Variants in SOD2 observed in about 807,000 individuals in gnomAD.
The protein encoded by SOD2 is superoxide dismutase [Mn], mitochondrial.
A neutral mutation model predicts 27.0 loss-of-function variants in SOD2; 11 were observed. The observed-to-expected ratio is 0.41, with a 90% CI of 0.26 to 0.67. The LOEUF is 0.67. Among genes scored for constraint, SOD2 ranks in the 30% least tolerant of loss-of-function variants. The pLI, the probability that SOD2 is intolerant of heterozygous loss-of-function variation, is 0.34. For missense variants in SOD2, 250 were observed against 274.5 expected, an observed-to-expected ratio of 0.91 and a Z score of 0.63; for synonymous variants, 105 against 103.0, an observed-to-expected ratio of 1.02 and a Z score of -0.12.
intron 1 of SOD2, among the ~76,000 whole-genome samples, chr6:159,707,100 C>A (rs1287777173): frequency 2.6e-5 from 4 of 152,100 alleles, no homozygotes; most frequent in African/African-American, 9.7e-5. Flanking sequence ...ACCAGAATCT[C>A]TGGGACACAT....
chr6:159,739,739 AAC>A (rs1437887624), intron 1 of SOD2, among the ~76,000 whole-genome samples: 5 of 151,918 alleles, frequency 3.3e-5, no homozygotes, highest in South Asian at 2.1e-4. Context: ...GAGATAGGCT[AAC>A]ACAGATTTTG....
upstream of SOD2, among the ~76,000 whole-genome samples, chr6:159,731,567 G>A (rs1216792747): frequency 3.3e-5 from 5 of 152,134 alleles, no homozygotes; most frequent in African/African-American, 1.2e-4. Flanking sequence ...AGAAACAGTC[G>A]GGAGGACAGT....
intron 1 of SOD2, among the ~76,000 whole-genome samples, chr6:159,737,273 TC>T (rs1778978370): frequency 1.3e-5 from 2 of 152,242 alleles, no homozygotes; most frequent in South Asian, 4.2e-4. Context: ...GGTCTCGAAC[TC>T]CCGGGCTCAA....
intron 1 of SOD2, among the ~76,000 whole-genome samples, chr6:159,737,235 G>C (rs1778976238): frequency 6.6e-6 from 1 of 152,136 alleles, no homozygotes; most frequent in Non-Finnish European, 1.5e-5. Context: ...TTCTTGTAGA[G>C]ATGGGGTTTT....
At chr6:159,744,349 T>C (rs1305907681) in intron 1 of SOD2, among the ~76,000 whole-genome samples, 3 of 152,232 alleles carry the variant, frequency 2.0e-5, no homozygotes, top group Admixed American at 6.5e-5. Flanking sequence ...GGTGTAATTA[T>C]ACAAAATAAT....
At chr6:159,714,768 C>G (rs1250453550) in intron 1 of SOD2, among the ~76,000 whole-genome samples, 1 of 152,126 alleles carries the variant, frequency 6.6e-6, no homozygotes, top group Non-Finnish European at 1.5e-5. Context: ...GCAGATTCTT[C>G]TCTGTTGTCT....
At chr6:159,758,342 C>T (rs1001147588) in intron 1 of SOD2, among the ~76,000 whole-genome samples, 1 of 151,912 alleles carries the variant, frequency 6.6e-6, no homozygotes, top group East Asian at 1.9e-4. Context: ...GATCACAGTG[C>T]CCCCTGATTG....
In SOD2 at chr6:159,673,166, C is replaced by A. The variant is rs962574588; in HGVS notation, c.*9327G>T. ...ATAACAATGGGAGACTCTAACACCC[C>A]ACTGTCAATATTAGACAGATCAACG... is the stretch of plus-strand genomic sequence containing the variant. On this transcript the variant is annotated 3_prime_UTR_variant, in exon 5 of 5. Coordinates refer to ENST00000538183, the MANE Select transcript of SOD2 (RefSeq NM_000636.4). The A allele has an allele frequency of 1.3e-5, 2 of 152,180 alleles. No individual in the cohort carries two copies. The allele number at this position is 152,180 out of a possible 1,614,324, so 9.4% of individuals were successfully genotyped here. A position where few individuals can be genotyped will look rare whatever the true frequency, so the allele number is the denominator to read the frequency against.
intron 1 of SOD2, among the ~76,000 whole-genome samples, chr6:159,759,355 G>A (rs866631163): frequency 4.1e-5 from 6 of 144,970 alleles, no homozygotes; most frequent in East Asian, 4.6e-4. Context: ...CACCGCGGCC[G>A]GCCAAGACAT....
At chr6:159,756,742 T>C (rs1370418089) in intron 1 of SOD2, among the ~76,000 whole-genome samples, 3 of 152,008 alleles carry the variant, frequency 2.0e-5, no homozygotes, top group Non-Finnish European at 2.9e-5. Flanking sequence ...CCTGAGACTA[T>C]AGGCATATAC....
intron 1 of SOD2, among the ~76,000 whole-genome samples, chr6:159,742,387 A>G (rs900286084): frequency 1.3e-5 from 2 of 152,204 alleles, no homozygotes; most frequent in Admixed American, 1.3e-4. Flanking sequence ...ATTATATGCA[A>G]GGTTCTGAAT....
chr6:159,758,910 C>T (rs1780068000), intron 1 of SOD2, among the ~76,000 whole-genome samples: 1 of 152,096 alleles, frequency 6.6e-6, no homozygotes, highest in Non-Finnish European at 1.5e-5. Context: ...GCTGAGAAGG[C>T]CCCTTCAGGA....
chr6:159,693,330 CCCCCCCCCCCGCGGGCCCCG>C, upstream of SOD2: 1 of 170,834 alleles, frequency 5.9e-6, no homozygotes, highest in Non-Finnish European at 1.0e-5. Context: ...GCCGCCCCGC[CCCCCCCCCCCGCGGGCCCCG>C]CCCCGCGCCC....
At chr6:159,710,691 C>G (rs1393793863) in intron 1 of SOD2, among the ~76,000 whole-genome samples, 1 of 151,300 alleles carries the variant, frequency 6.6e-6, no homozygotes. Flanking sequence ...TCATACTGCT[C>G]TGATCACCCT....
At chr6:159,752,911 A>T (rs1024576831) in intron 1 of SOD2, among the ~76,000 whole-genome samples, 2 of 152,154 alleles carry the variant, frequency 1.3e-5, no homozygotes, top group Admixed American at 6.5e-5. Context: ...TTTTTAAAAA[A>T]TTTTTTGTAG....
At chr6:159,690,509 T>C (rs1459112686) in intron 2 of SOD2, among the ~76,000 whole-genome samples, 1 of 152,134 alleles carries the variant, frequency 6.6e-6, no homozygotes, top group Non-Finnish European at 1.5e-5. Context: ...CAAGCTCCAG[T>C]TGTTTAGCGA....
rs947867872 is a variant in SOD2, at chr6:159,679,596, A to C, written c.*2897T>G. ...ACAAAATAGTTCAAGCAACAGATAGAATTTCAAAAACAGTATTTGCTTTGC... is the reference window on the plus strand; with the variant it reads ...ACAAAATAGTTCAAGCAACAGATAGCATTTCAAAAACAGTATTTGCTTTGC... On this transcript the variant is annotated 3_prime_UTR_variant, in exon 5 of 5. Transcript: ENST00000538183. 1 of 152,234 alleles carries C rather than the reference A, an allele frequency of 6.6e-6. No homozygotes were observed. The highest frequency in any genetic ancestry group is 2.1e-4 in the South Asian group (1 of 4,830). 9.4% of individuals were successfully genotyped at this position (152,234 alleles called of 1,614,324 possible).
chr6:159,743,892 G>A (rs1053524506), intron 1 of SOD2: 2 of 1,278,796 alleles, frequency 1.6e-6, no homozygotes, highest in Admixed American at 6.4e-5. Context: ...AAATATAAGA[G>A]CTTATCTTTT....
rs1368429881 is a variant in SOD2 at position 159,676,019 on chromosome 6, G to A, written c.*6474C>T. 1.3e-5 allele frequency: 2 copies of A among 152,220 alleles called. No homozygotes were observed. The highest frequency in any genetic ancestry group is 4.8e-5 in the African/African-American group (2 of 41,456). The allele number at this position is 152,220 out of a possible 1,614,324, so 9.4% of individuals were successfully genotyped here. A position where few individuals can be genotyped will look rare whatever the true frequency, so the allele number is the denominator to read the frequency against. On this transcript the variant is annotated 3_prime_UTR_variant, in exon 5 of 5. Transcript: ENST00000538183. ...AAATGCTCATCATCATGGGCCATCA[G>A]AGAAATGCAAATCAAAACCACAATG...
Sources: gnomAD v4.1 joint callset for allele counts (sites outside exome capture counted in the v4.1 genomes callset) on GRCh38, gnomAD v4.1.1 for gene constraint, MANE v1.5 for transcripts, NCBI Gene and HGNC (gene_info 2026-07-23, HGNC 2026-07-21) for gene names.